The following TECR variants were observed in gnomAD, a reference collection of about 807,000 sequenced individuals.
The protein encoded by TECR is very-long-chain enoyl-CoA reductase.
In TECR, 19 loss-of-function variants were observed where a neutral mutation model predicts 50.6. The observed-to-expected ratio is 0.38, with a 90% CI of 0.26 to 0.55. The LOEUF (loss-of-function observed/expected upper bound fraction) is 0.55, where lower values mean the gene tolerates loss of function less well. Ranked by LOEUF, TECR falls within the 20% of genes least tolerant of loss-of-function variation. TECR has a pLI of 0.79. For missense variants in TECR, 313 were observed against 408.3 expected, an observed-to-expected ratio of 0.77 and a Z score of 2.01; for synonymous variants, 168 against 163.5, an observed-to-expected ratio of 1.03 and a Z score of -0.21.
At chr19:14,544,027 C>T (rs551223974) in intron 1 of TECR, among the ~76,000 whole-genome samples, 3 of 152,230 alleles carry the variant, frequency 2.0e-5, no homozygotes, top group African/African-American at 4.8e-5. Flanking sequence ...TGTGAGCCAA[C>T]GTGCCGGGCC....
intron 1 of TECR, chr19:14,545,146 C>G (rs1340953542): frequency 2.0e-5 from 9 of 456,628 alleles, no homozygotes; most frequent in Non-Finnish European, 3.5e-5. Context: ...ACCAAAGCAG[C>G]CTGTGGCATT....
chr19:14,564,868 C>T lies in TECR; in HGVS notation c.562+10C>T. On this transcript the variant is annotated intron_variant, in intron 8 of 12. Transcript: ENST00000215567. ...CTCTACACTCCCCCTAGTAAGTGGC[C>T]TCAGACCATCCTTCCCTCCCCCACG... 2.5e-6 allele frequency: 4 copies of T among 1,614,020 alleles called. No homozygotes were observed. The highest frequency in any genetic ancestry group is 3.4e-6 in the Non-Finnish European group (4 of 1,180,026).
Position 14,540,830 on chromosome 19 carries a change from C to CT in TECR, c.15+11127dup, listed in dbSNP as rs200190797. 8.8e-3 allele frequency among the ~76,000 whole-genome samples: 1,340 copies of CT among 151,904 alleles called. 21 individuals carry two copies. The highest frequency in any genetic ancestry group is 0.031 in the African/African-American group (1,289 of 41,428). ...AGGTGTGTATCACTATGTCTGGCTG[C>CT]TTTTTTTTGTTTGTTTGTTTGTTTG... On this transcript the variant is annotated intron_variant, in intron 1 of 12. Coordinates refer to ENST00000215567, the MANE Select transcript of TECR (RefSeq NM_138501.6).
In TECR at chr19:14,536,130, G is replaced by A. The variant is rs182161117; in HGVS notation, c.15+6419G>A. On this transcript the variant is annotated intron_variant, in intron 1 of 12. Coordinates refer to ENST00000215567, the MANE Select transcript of TECR (RefSeq NM_138501.6). The stretch of plus-strand genomic sequence containing the variant: ...GGGCTGCAGGCCAGTTCCCCTTTGG[G>A]TTGGGCAGTATTGATTGATACTCTT... Among the ~76,000 whole-genome samples the A allele has an allele frequency of 3.3e-3, 499 of 152,250 alleles. 1 individual carries two copies. Among genetic ancestry groups the A allele is most frequent in the Non-Finnish European group, 4.9e-3 (335 of 68,022 alleles).
At chr19:14,551,938 CCTCCCTCCCTCTCTCTCT>C (rs1472216319) in intron 1 of TECR, among the ~76,000 whole-genome samples, 1 of 83,880 alleles carries the variant, frequency 1.2e-5, no homozygotes, top group African/African-American at 4.8e-5. Flanking sequence ...TCTCTCTCTC[CCTCCCTCCCTCTCTCTCT>C]CTCTCTCTCT....
chr19:14,538,840 T>C (rs998957534), intron 1 of TECR, among the ~76,000 whole-genome samples: 1 of 151,346 alleles, frequency 6.6e-6, no homozygotes, highest in African/African-American at 2.4e-5. Flanking sequence ...TGAGAAAAGC[T>C]TCAAAACTTA....
Position 14,563,089 on chromosome 19 carries a change from CT to C in TECR, c.67-115del. ...GCAGGCAGAGGCCTGGACCCCAGCC[CT>C]TCCCCCTTCCCATAGCTACAGCCCA... On this transcript the variant is annotated intron_variant, in intron 2 of 12. Transcript: ENST00000215567. The surrounding 1 kb of genome is among the most constrained non-coding windows in gnomAD (Gnocchi z 5.3). 7.9e-7 allele frequency: 1 copy of C among 1,263,500 alleles called. No individual in the cohort carries two copies. The highest frequency in any genetic ancestry group is 1.1e-6 in the Non-Finnish European group (1 of 884,936). 78.3% of individuals were successfully genotyped at this position (1,263,500 alleles called of 1,614,324 possible).
chr19:14,551,910 TC>T (rs1449044282), intron 1 of TECR, among the ~76,000 whole-genome samples: 3 of 140,394 alleles, frequency 2.1e-5, no homozygotes, highest in Admixed American at 7.1e-5. Context: ...TCTCTCTCTC[TC>T]CCCCTCCCTC....
intron 1 of TECR, among the ~76,000 whole-genome samples, chr19:14,548,993 A>G (rs1340691448): frequency 6.7e-6 from 1 of 149,886 alleles, no homozygotes; most frequent in Non-Finnish European, 1.5e-5. Context: ...TAATTTTCAC[A>G]TATCATGAAA....
Position 14,563,695 on chromosome 19 carries a change from G to A in TECR, c.156G>A (p.Leu52=), listed in dbSNP as rs762200900. The A allele has an allele frequency of 1.2e-6, 2 of 1,613,138 alleles. No individual in the cohort carries two copies. The highest frequency in any genetic ancestry group is 8.5e-7 in the Non-Finnish European group (1 of 1,179,886). Residue 52 remains leucine (L), a synonymous_variant, in exon 4 of 13, where the codon CTG becomes CTA. Coordinates refer to ENST00000215567, the MANE Select transcript of TECR (RefSeq NM_138501.6). This position sits in a 1 kb window ranked among gnomAD's most constrained non-coding sequence, Gnocchi z 5.3. The stretch of plus-strand genomic sequence containing the variant: ...ACCCCGCCCGCCAGTCCCTCCGCCT[G>A]GACCCCAGTGAGTACAGCTGTCCAC... ...QWYPARQSLR[L]DPKGKSLKDE...
chr19:14,538,820 C>CA (rs2072996628), intron 1 of TECR, among the ~76,000 whole-genome samples: 1 of 152,002 alleles, frequency 6.6e-6, no homozygotes, highest in South Asian at 2.1e-4. Flanking sequence ...CATGAGCCAC[C>CA]ACGCCTGGCT....
intron 1 of TECR, among the ~76,000 whole-genome samples, chr19:14,550,960 C>T (rs1270691265): frequency 6.6e-6 from 1 of 151,930 alleles, no homozygotes; most frequent in Non-Finnish European, 1.5e-5. Context: ...GCATGAACTA[C>T]CACACCCGGC....
rs747209132 is a variant in TECR at position 14,563,987 on chromosome 19, C to T, written c.273C>T (p.Phe91=). ...TTGCCCCCCTCTACTCTCAGGTCTT[C>T]CTAACAGAGTACGCGGGGCCCCTTT... is the stretch of plus-strand genomic sequence containing the variant. ...LGAQISWVTV[F]LTEYAGPLFI... The change falls in exon 6 of 13, where the codon TTC becomes TTT. Residue 91 remains phenylalanine, a synonymous_variant. Coordinates refer to ENST00000215567, the MANE Select transcript of TECR (RefSeq NM_138501.6). The surrounding 1 kb of genome is among the most constrained non-coding windows in gnomAD (Gnocchi z 5.3). 2 of 1,614,070 alleles carry T rather than the reference C, an allele frequency of 1.2e-6. No individual in the cohort carries two copies. Among genetic ancestry groups the T allele is most frequent in the South Asian group, 2.2e-5 (2 of 91,088 alleles).
At chr19:14,542,298 T>C (rs1461108675) in intron 1 of TECR, among the ~76,000 whole-genome samples, 1 of 149,770 alleles carries the variant, frequency 6.7e-6, no homozygotes, top group Non-Finnish European at 1.5e-5. Flanking sequence ...AGATTCCCTA[T>C]TGGAGGGCAG....
At chr19:14,529,557 C>A, upstream of TECR, 1 of 1,326,812 alleles carries the variant, frequency 7.5e-7, no homozygotes. Flanking sequence ...CGACGGGGCG[C>A]GCGCGGCCTG....
chr19:14,565,325 C>T, intron 11 of TECR, 35 bp downstream of exon 11: 2 of 1,610,462 alleles, frequency 1.2e-6, no homozygotes, highest in Non-Finnish European at 1.7e-6. Flanking sequence ...TGCCCTGGGA[C>T]TTGGGGTCCC....
At chr19:14,527,969 C>A (rs1489655891), upstream of TECR, among the ~76,000 whole-genome samples, 2 of 151,996 alleles carry the variant, frequency 1.3e-5, no homozygotes, top group African/African-American at 2.4e-5. Flanking sequence ...TGGCTCACTG[C>A]AACCTCCACC....
At chr19:14,556,829 G>A (rs1460351063) in intron 1 of TECR, among the ~76,000 whole-genome samples, 2 of 152,180 alleles carry the variant, frequency 1.3e-5, no homozygotes, top group Admixed American at 6.5e-5. Flanking sequence ...CGGCCACAAG[G>A]GGGCAGTGGG....
At position 14,565,341 on chromosome 19, in the gene TECR, G is replaced by A. The variant is rs759553354; in HGVS notation, c.753+51G>A. 5.0e-6 allele frequency: 8 copies of A among 1,602,344 alleles called. No homozygotes were observed. The Admixed American group carries it at 1.3e-4, about 27-fold the overall frequency. On this transcript the variant is annotated intron_variant, in intron 11 of 12. Coordinates refer to ENST00000215567, the MANE Select transcript of TECR (RefSeq NM_138501.6). ...GCCCTGGGACTTGGGGTCCCATGTGGAGGGACCAGCCCCTAGGATGGGGCG... is the reference window on the plus strand; with the variant it reads ...GCCCTGGGACTTGGGGTCCCATGTGAAGGGACCAGCCCCTAGGATGGGGCG...
Sources: allele counts gnomAD v4.1 joint callset (sites outside exome capture counted in the v4.1 genomes callset), GRCh38; gene constraint gnomAD v4.1.1; non-coding constraint Gnocchi (gnomAD v3.1); transcripts MANE v1.5; gene names NCBI Gene and HGNC (gene_info 2026-07-23, HGNC 2026-07-21).